The following RC3H1 variants were observed in gnomAD, a reference collection of about 807,000 sequenced individuals.
RC3H1 encodes roquin-1.
A neutral mutation model predicts 138.2 loss-of-function variants in RC3H1; 50 were observed. The ratio of observed to expected loss-of-function variants is 0.36; its 90% CI spans 0.29 to 0.46. The LOEUF is 0.46. Ranked by LOEUF, RC3H1 falls within the 20% of genes least tolerant of loss-of-function variation. The pLI is 1.00. For missense variants in RC3H1, 1,031 were observed against 1,388.1 expected (o/e 0.74, Z 4.09); for synonymous variants, 462 against 489.1 (o/e 0.94, Z 0.73).
intron 14 of RC3H1, among the ~76,000 whole-genome samples, chr1:173,947,822 A>T (rs767237499): frequency 1.3e-5 from 2 of 152,120 alleles, no homozygotes; most frequent in South Asian, 4.1e-4. Context: ...GGCTCACTGC[A>T]TCCTCAACCT....
At chr1:173,980,543 A>G (rs145008328) in intron 6 of RC3H1, among the ~76,000 whole-genome samples, 28 of 152,152 alleles carry the variant, frequency 1.8e-4, no homozygotes, top group African/African-American at 6.5e-4. Context: ...TCTAAATTAA[A>G]TGTAGAGTGG....
chr1:174,018,976 G>C (rs1048294117), intron 1 of RC3H1, among the ~76,000 whole-genome samples: 3 of 151,852 alleles, frequency 2.0e-5, no homozygotes, highest in Admixed American at 1.3e-4. Context: ...ATGGCTTAAA[G>C]AAAAAAAATT....
chr1:173,950,420 C>CAAAAA (rs60259705), intron 14 of RC3H1, among the ~76,000 whole-genome samples: 3 of 63,658 alleles, frequency 4.7e-5, no homozygotes, highest in African/African-American at 2.1e-4. Context: ...TCATCTCTAC[C>CAAAAA]AAAAAAAAAA....
intron 3 of RC3H1, 76 bp downstream of exon 3, chr1:173,984,423 G>T (rs1461323522): frequency 5.0e-6 from 7 of 1,393,360 alleles, no homozygotes; most frequent in Non-Finnish European, 6.8e-6. Flanking sequence ...AATTCCTCAG[G>T]ACTTATATAG....
At chr1:173,959,367 G>A (rs6425262) in intron 13 of RC3H1, among the ~76,000 whole-genome samples, 44,035 of 152,088 alleles carry the variant, frequency 0.29, 11,398 homozygotes, top group African/African-American at 0.7. Flanking sequence ...ATTGGTTATC[G>A]AGGAATAAAA....
At chr1:173,938,923 C>T in intron 19 of RC3H1, 52 bp from the exon 20 acceptor site, 1 of 1,392,040 alleles carries the variant, frequency 7.2e-7, no homozygotes, top group Non-Finnish European at 9.8e-7. Context: ...ATGATTACTA[C>T]AATAAAATCA....
intron 18 of RC3H1, among the ~76,000 whole-genome samples, chr1:173,941,613 GA>G (rs957245301): frequency 1.3e-5 from 2 of 152,084 alleles, no homozygotes; most frequent in African/African-American, 4.8e-5. Flanking sequence ...AAGCTAACAT[GA>G]AAAAAAATTT....
At chr1:173,999,851 C>G (rs1256958928) in intron 1 of RC3H1, among the ~76,000 whole-genome samples, 1 of 152,116 alleles carries the variant, frequency 6.6e-6, no homozygotes, top group Non-Finnish European at 1.5e-5. Context: ...GTTATTATGC[C>G]CATTTTAAAG....
At chr1:173,976,599 G>C (rs548260134) in intron 7 of RC3H1, among the ~76,000 whole-genome samples, 2 of 152,280 alleles carry the variant, frequency 1.3e-5, no homozygotes, top group South Asian at 4.1e-4. Context: ...GACTGGAGTT[G>C]AGTTCAAGAG....
intron 2 of RC3H1, among the ~76,000 whole-genome samples, chr1:173,992,077 A>G (rs1358742301): frequency 6.6e-6 from 1 of 152,198 alleles, no homozygotes. Flanking sequence ...TTCTCTACTG[A>G]GTAAAGTGCA....
intron 1 of RC3H1, among the ~76,000 whole-genome samples, chr1:173,994,022 GA>G (rs372280833): frequency 0.28 from 13,381 of 46,974 alleles, 585 homozygotes; most frequent in Non-Finnish European, 0.31. Context: ...CTCCATCTCA[GA>G]AAAAAAAAAA....
intron 6 of RC3H1, 81 bp downstream of exon 6, chr1:173,980,728 T>C: frequency 9.9e-7 from 1 of 1,014,060 alleles, no homozygotes; most frequent in Non-Finnish European, 1.5e-6. Context: ...CTATACAGTA[T>C]TCACTTTAAT....
Position 173,941,375 on chromosome 1 carries a change from G to T in RC3H1, c.3141C>A (p.Asn1047Lys). ...GKRTRELSME[N>K]QCSLDMKSKL... is the part of the protein sequence containing the mutation. ...TGCTTTTCATGTCCAGAGAACACTG[G>T]TTTTCCTTTGAAAGAGAAGGAAATA... is the stretch of plus-strand genomic sequence containing the variant. Residue 1047 changes from asparagine (N) to lysine (K), a missense_variant, in exon 19 of 20, where the codon AAC (asparagine) becomes AAA (lysine). Asn to Lys is a moderately conservative substitution (Grantham distance 94). This residue lies in a region of RC3H1 where 716 missense variants were observed against 837.9 expected (regional missense o/e 0.85). Coordinates refer to ENST00000367696, the MANE Select transcript of RC3H1 (RefSeq NM_172071.4). 1 of 1,601,552 alleles carries T rather than the reference G, an allele frequency of 6.2e-7. No individual in the cohort carries two copies. Among genetic ancestry groups the T allele is most frequent in the Non-Finnish European group, 8.6e-7 (1 of 1,169,172 alleles).
At chr1:173,982,476 A>G (rs1660866189) in intron 5 of RC3H1, among the ~76,000 whole-genome samples, 1 of 152,218 alleles carries the variant, frequency 6.6e-6, no homozygotes, top group South Asian at 2.1e-4. Context: ...ATAGTTTCTT[A>G]GTCTCTTCAA....
At chr1:173,971,306 A>G (rs1243640398) in intron 8 of RC3H1, among the ~76,000 whole-genome samples, 1 of 152,178 alleles carries the variant, frequency 6.6e-6, no homozygotes, top group Non-Finnish European at 1.5e-5. Context: ...CTGTAGTTTA[A>G]GACTTTCAAA....
chr1:173,978,171 C>T (rs1660662579), intron 7 of RC3H1, among the ~76,000 whole-genome samples: 1 of 151,690 alleles, frequency 6.6e-6, no homozygotes, highest in Non-Finnish European at 1.5e-5. Flanking sequence ...ATGAGAAAAA[C>T]GAGATTTGGA....
At chr1:173,990,582 T>A (rs569250824) in intron 2 of RC3H1, among the ~76,000 whole-genome samples, 160 of 151,212 alleles carry the variant, frequency 1.1e-3, no homozygotes, top group South Asian at 7.3e-3. Flanking sequence ...TTATTTATTT[T>A]TTTTTTTTGA....
intron 13 of RC3H1, 103 bp from the exon 14 acceptor site, chr1:173,952,241 T>C (rs920097609): frequency 1.4e-5 from 10 of 737,466 alleles, no homozygotes; most frequent in Non-Finnish European, 1.9e-5. Flanking sequence ...GGGAATTTCT[T>C]AGAACATCGT....
chr1:174,008,221 T>A lies in RC3H1; in HGVS notation c.-151+13875A>T, dbSNP rs546845213. The stretch of plus-strand genomic sequence containing the variant: ...ATTTGCATTAAAAACCTAGTATATT[T>A]AATAATAGCAATAACATCAATATTT... On this transcript the variant is annotated intron_variant, in intron 1 of 19. Coordinates refer to ENST00000367696, the MANE Select transcript of RC3H1 (RefSeq NM_172071.4). 1.1e-4 allele frequency among the ~76,000 whole-genome samples: 16 copies of A among 152,346 alleles called. No homozygotes were observed. In the South Asian group the frequency reaches 3.3e-3, roughly 32 times the overall value.
Sources: allele counts gnomAD v4.1 joint callset (sites outside exome capture counted in the v4.1 genomes callset), GRCh38; gene constraint gnomAD v4.1.1; regional missense constraint gnomAD v4.1.1; transcripts MANE v1.5; gene names NCBI Gene and HGNC (gene_info 2026-07-23, HGNC 2026-07-21).